NEK4: variants seen among roughly 807,000 people sequenced by gnomAD.
NEK4 encodes NIMA related kinase 4.
A neutral mutation model predicts 98.4 loss-of-function variants in NEK4; 86 were observed. That is an observed-to-expected ratio of 0.87 (90% CI 0.73 to 1.05). The LOEUF (loss-of-function observed/expected upper bound fraction) is 1.05, where lower values mean the gene tolerates loss of function less well. Ranked by LOEUF, NEK4 falls within the 50% of genes least tolerant of loss-of-function variation. The pLI, the probability that NEK4 is intolerant of heterozygous loss-of-function variation, is 0.00. For missense variants in NEK4, 898 were observed against 950.3 expected (o/e 0.94, Z 0.72); for synonymous variants, 328 against 342.2 (o/e 0.96, Z 0.46).
At position 52,766,303 on chromosome 3, in the gene NEK4, T is replaced by C. The variant is rs373761384; in HGVS notation, c.433A>G (p.Ile145Val). 26 of 1,613,986 alleles carry C rather than the reference T, an allele frequency of 1.6e-5. No homozygotes were observed. Among genetic ancestry groups the C allele is most frequent in the Non-Finnish European group, 1.7e-5 (20 of 1,179,938 alleles). ...QNVFLTRTNI[I>V]KVGDLGIARV... ...GCAATTCCTAGGTCCCCTACTTTGATGATGTTTGTTCTTGTTAGGAAGACA... is the reference window on the plus strand; with the variant it reads ...GCAATTCCTAGGTCCCCTACTTTGACGATGTTTGTTCTTGTTAGGAAGACA... The change falls in exon 3 of 16, where the codon ATC (isoleucine) becomes GTC (valine). Residue 145 changes from isoleucine (I) to valine (V), a missense_variant. Ile to Val is a conservative substitution (Grantham distance 29). Coordinates refer to ENST00000233027, the MANE Select transcript of NEK4 (RefSeq NM_003157.6).
chr3:52,738,362 C>CAA (rs1383726915), intron 14 of NEK4, among the ~76,000 whole-genome samples: 3 of 151,362 alleles, frequency 2.0e-5, no homozygotes, highest in African/African-American at 7.3e-5. Context: ...CTTGGCCTCC[C>CAA]AAAGCAATGA....
chr3:52,737,377 G>A (rs2097377893), intron 15 of NEK4: 9 of 467,442 alleles, frequency 1.9e-5, no homozygotes, highest in Non-Finnish European at 3.0e-5. Context: ...CATGGGGAGT[G>A]ACTGCTAACA....
At chr3:52,714,270 A>G (rs1242922801) in intron 15 of NEK4, among the ~76,000 whole-genome samples, 1 of 152,224 alleles carries the variant, frequency 6.6e-6, no homozygotes, top group African/African-American at 2.4e-5. Context: ...AGAAAATGAC[A>G]TTCGAATTTT....
At chr3:52,759,180 G>A (rs1273766284) in intron 6 of NEK4, among the ~76,000 whole-genome samples, 2 of 151,790 alleles carry the variant, frequency 1.3e-5, no homozygotes, top group African/African-American at 4.8e-5. Context: ...GCCAAGGTGG[G>A]AGGACCTCCT....
chr3:52,741,570 T>C, intron 12 of NEK4, 71 bp from the exon 13 acceptor site: 4 of 908,210 alleles, frequency 4.4e-6, no homozygotes, highest in Non-Finnish European at 7.3e-6. Context: ...GAACCAGTCT[T>C]AGATGCAACA....
intron 1 of NEK4, 104 bp downstream of exon 1, chr3:52,770,550 C>G: frequency 6.0e-6 from 5 of 837,576 alleles, no homozygotes; most frequent in Admixed American, 2.1e-5. Context: ...GAAACGCCAT[C>G]CGAGATGAGC....
At chr3:52,738,077 T>C (rs1179717584) in intron 14 of NEK4, among the ~76,000 whole-genome samples, 1 of 152,092 alleles carries the variant, frequency 6.6e-6, no homozygotes, top group East Asian at 1.9e-4. Flanking sequence ...CCTCCCAAAG[T>C]GCTGGGATTA....
At chr3:52,763,708 TTA>T in intron 4 of NEK4, 84 bp from the exon 5 acceptor site, 2 of 1,014,638 alleles carry the variant, frequency 2.0e-6, no homozygotes, top group Non-Finnish European at 2.9e-6. Context: ...CAATATTTAT[TTA>T]TAGTCATATG....
chr3:52,746,631 G>A, intron 9 of NEK4, 103 bp downstream of exon 9: 1 of 1,012,416 alleles, frequency 9.9e-7, no homozygotes, highest in Non-Finnish European at 1.5e-6. Flanking sequence ...TCTGTATTAT[G>A]TTCCTTGCAT....
intron 12 of NEK4, chr3:52,743,137 T>C (rs2097389589): frequency 2.2e-6 from 1 of 464,564 alleles, no homozygotes; most frequent in Non-Finnish European, 3.9e-6. Flanking sequence ...GGCTATCAAT[T>C]GTTTACAAGA....
At chr3:52,734,980 C>A in intron 15 of NEK4, 1 of 181,446 alleles carries the variant, frequency 5.5e-6, no homozygotes, top group South Asian at 1.2e-4. Context: ...TATATGCTTT[C>A]CTACCAACTA....
chr3:52,754,395 G>T, intron 6 of NEK4: 1 of 466,102 alleles, frequency 2.1e-6, no homozygotes, highest in East Asian at 4.9e-5. Flanking sequence ...GATACAAAAA[G>T]CCCCCTAAAC....
intron 15 of NEK4, among the ~76,000 whole-genome samples, chr3:52,724,188 G>A (rs1482620009): frequency 1.3e-5 from 2 of 150,722 alleles, no homozygotes; most frequent in Admixed American, 6.7e-5. Flanking sequence ...AGCCAAGATG[G>A]CGCCACCGCA....
chr3:52,719,047 G>A lies in NEK4; in HGVS notation c.2434-7178C>T, dbSNP rs563944568. On this transcript the variant is annotated intron_variant, in intron 15 of 15. Transcript: ENST00000233027. ...GCTGGGCATACAGGGATGAGCCATC[G>A]CGCCTGGCCTACACCCCCTTTAAAA... Among the ~76,000 whole-genome samples the A allele has an allele frequency of 9.2e-5, 14 of 152,276 alleles. No homozygotes were observed. In the South Asian group the frequency reaches 2.3e-3, roughly 25 times the overall value.
chr3:52,750,455 C>T (rs1306254823), intron 7 of NEK4, among the ~76,000 whole-genome samples: 1 of 151,804 alleles, frequency 6.6e-6, no homozygotes, highest in Admixed American at 6.6e-5. Context: ...GACGGAGGCA[C>T]GAGAATCATT....
rs952838367 is a variant in NEK4 at position 52,711,646 on chromosome 3, C to T, written c.*131G>A. ...GTCCAATTTCTTTTCTGTAGGGAAA[C>T]GCCAAAGAGATATAAAAAAGAGATA... On this transcript the variant is annotated 3_prime_UTR_variant, in exon 16 of 16. Transcript: ENST00000233027. The T allele has an allele frequency of 3.2e-5, 20 of 630,234 alleles. No homozygotes were observed. The highest frequency in any genetic ancestry group is 2.7e-4 in the Middle Eastern group (1 of 3,716). The allele number at this position is 630,234 out of a possible 1,614,324, so 39.0% of individuals were successfully genotyped here. A position where few individuals can be genotyped will look rare whatever the true frequency, so the allele number is the denominator to read the frequency against.
At chr3:52,741,843 G>A (rs973262234) in intron 12 of NEK4, among the ~76,000 whole-genome samples, 4 of 151,914 alleles carry the variant, frequency 2.6e-5, no homozygotes, top group African/African-American at 7.3e-5. Context: ...GCAGTGGCAC[G>A]ATCTCGGCTC....
At chr3:52,744,352 T>C in intron 10 of NEK4, 47 bp from the exon 11 acceptor site, 1 of 1,328,508 alleles carries the variant, frequency 7.5e-7, no homozygotes, top group Non-Finnish European at 1.1e-6. Flanking sequence ...CTTGCTATTT[T>C]TATAACACCT....
chr3:52,769,180 C>G (rs1698692136), intron 1 of NEK4, among the ~76,000 whole-genome samples: 1 of 151,986 alleles, frequency 6.6e-6, no homozygotes, highest in South Asian at 2.1e-4. Context: ...CAACATCGCA[C>G]CACTGCACTC....
Sources: gnomAD v4.1 joint callset for allele counts (sites outside exome capture counted in the v4.1 genomes callset) on GRCh38, gnomAD v4.1.1 for gene constraint, MANE v1.5 for transcripts, NCBI Gene and HGNC (gene_info 2026-07-23, HGNC 2026-07-21) for gene names.